The following WHRN variants were observed in gnomAD, a reference collection of about 807,000 sequenced individuals.
WHRN encodes whirlin.
Under a neutral mutation model 68.3 loss-of-function variants are expected in WHRN, and 41 were observed. The ratio of observed to expected loss-of-function variants is 0.60; its 90% CI spans 0.47 to 0.78. WHRN has a LOEUF of 0.78. Among genes scored for constraint, WHRN ranks in the 30% least tolerant of loss-of-function variants. WHRN has a pLI of 0.00. For synonymous variants in WHRN, 560 were observed against 561.3 expected (o/e 1.00, Z 0.03); for missense variants, 1,243 against 1,244.7 (o/e 1.00, Z 0.02).
Position 114,402,559 on chromosome 9 carries a change from CCTGACCTT to C in WHRN, c.*187_*194del. On this transcript the variant is annotated 3_prime_UTR_variant, in exon 12 of 12. Transcript: ENST00000362057. ...TACCCAGTACAGCACCAGTTCCTGA[CCTGACCTT>C]CTGTCTGCCTTGTCCTGCTCTCTTC... is the stretch of plus-strand genomic sequence containing the variant. 1 of 708,628 alleles carries C rather than the reference CCTGACCTT, an allele frequency of 1.4e-6. No individual in the cohort carries two copies. The allele number at this position is 708,628 out of a possible 1,614,324, so 43.9% of individuals were successfully genotyped here.
intron 3 of WHRN, among the ~76,000 whole-genome samples, chr9:114,427,571 G>T (rs184082641): frequency 4.6e-5 from 7 of 152,326 alleles, no homozygotes; most frequent in Admixed American, 3.3e-4. Flanking sequence ...ATCAACTCCT[G>T]TAGGTTTATC....
At chr9:114,412,087 C>CG (rs1835480967) in intron 7 of WHRN, among the ~76,000 whole-genome samples, 3 of 152,134 alleles carry the variant, frequency 2.0e-5, no homozygotes, top group Non-Finnish European at 2.9e-5. Flanking sequence ...CCAGCCCTGT[C>CG]AGGGAGGCCT....
At chr9:114,408,058 T>A in intron 7 of WHRN, 40 bp from the exon 8 acceptor site, 1 of 1,529,204 alleles carries the variant, frequency 6.5e-7, no homozygotes. Flanking sequence ...AAACAGAAGC[T>A]GAGAAGGGAA....
intron 7 of WHRN, among the ~76,000 whole-genome samples, chr9:114,409,286 G>C (rs2132231485): frequency 6.6e-6 from 1 of 152,266 alleles, no homozygotes; most frequent in Admixed American, 6.5e-5. Flanking sequence ...GAGACAATGG[G>C]GTCAGTCGAC....
rs936927007 is a variant in WHRN, at chr9:114,439,875, T to A, written c.964-13462A>T. ...ATGCATAAAATATGTGTAGATAGTC[T>A]ACTTTATAATTTACTATCATAAAAC... is the stretch of plus-strand genomic sequence containing the variant. On this transcript the variant is annotated intron_variant, in intron 3 of 11. Transcript: ENST00000362057. 1.7e-4 allele frequency among the ~76,000 whole-genome samples: 26 copies of A among 152,152 alleles called. 4 individuals are homozygous for A. Among genetic ancestry groups the A allele is most frequent in the Admixed American group, 1.7e-3 (26 of 15,276 alleles).
In WHRN at chr9:114,406,515, G is replaced by T. The variant is rs775595732; in HGVS notation, c.2076C>A (p.Pro692=). Residue 692 remains proline (P), a synonymous_variant, in exon 9 of 12, where the codon CCC becomes CCA. Transcript: ENST00000362057. ...RVQSPPHLKS[P]SAEATVAGGC... ...CCCCAGCCACTGTGGCCTCTGCAGAGGGGCTTTTCAGGTGCGGGGGTGACT... is the reference window on the plus strand; with the variant it reads ...CCCCAGCCACTGTGGCCTCTGCAGATGGGCTTTTCAGGTGCGGGGGTGACT... The T allele has an allele frequency of 6.2e-7, 1 of 1,614,130 alleles. No homozygotes were observed. Among genetic ancestry groups the T allele is most frequent in the South Asian group, 1.1e-5 (1 of 91,086 alleles).
chr9:114,451,096 C>T (rs1471642197), intron 3 of WHRN, among the ~76,000 whole-genome samples: 12 of 152,200 alleles, frequency 7.9e-5, no homozygotes, highest in Admixed American at 7.9e-4. Flanking sequence ...ATGGCATTGG[C>T]ATGCAAGAGA....
At chr9:114,423,843 C>T (rs1836547289) in intron 6 of WHRN, among the ~76,000 whole-genome samples, 1 of 152,220 alleles carries the variant, frequency 6.6e-6, no homozygotes, top group South Asian at 2.1e-4. Flanking sequence ...CAATACTCAT[C>T]TCCAAATCCT....
At chr9:114,493,747 A>G (rs755724861) in intron 1 of WHRN, among the ~76,000 whole-genome samples, 16 of 152,254 alleles carry the variant, frequency 1.1e-4, no homozygotes, top group South Asian at 4.1e-4. Flanking sequence ...AAAAGTGCCC[A>G]ATGCCACCTC....
At chr9:114,403,101 C>A in intron 11 of WHRN, 116 bp downstream of exon 11, 1 of 1,557,386 alleles carries the variant, frequency 6.4e-7, no homozygotes, top group Non-Finnish European at 8.8e-7. Context: ...GTGACATAAG[C>A]CTAGGTCTGC....
intron 1 of WHRN, among the ~76,000 whole-genome samples, chr9:114,489,092 C>T (rs548793758): frequency 1.4e-4 from 22 of 152,280 alleles, no homozygotes; most frequent in African/African-American, 5.1e-4. Flanking sequence ...GGCCTTTGCA[C>T]GTGATGCTCT....
intron 3 of WHRN, among the ~76,000 whole-genome samples, chr9:114,431,337 C>T (rs1837404506): frequency 6.6e-6 from 1 of 152,204 alleles, no homozygotes; most frequent in African/African-American, 2.4e-5. Context: ...TCAGGCTTTC[C>T]ATGGCTTCTC....
chr9:114,474,738 T>C (rs1486858319), intron 2 of WHRN, among the ~76,000 whole-genome samples: 2 of 152,162 alleles, frequency 1.3e-5, no homozygotes, highest in East Asian at 3.9e-4. Context: ...TTATACCTCA[T>C]AGAATGTGCC....
intron 10 of WHRN, 70 bp from the exon 11 acceptor site, chr9:114,403,409 G>C: frequency 6.2e-7 from 1 of 1,602,990 alleles, no homozygotes; most frequent in Non-Finnish European, 8.5e-7. Flanking sequence ...GCTGGGCCGG[G>C]CCGTGACACC....
chr9:114,494,327 T>C (rs1203991871), intron 1 of WHRN, among the ~76,000 whole-genome samples: 1 of 152,226 alleles, frequency 6.6e-6, no homozygotes, highest in Non-Finnish European at 1.5e-5. Flanking sequence ...GATCATCAAA[T>C]GTTCAGACCA....
intron 2 of WHRN, among the ~76,000 whole-genome samples, chr9:114,472,400 C>A (rs1425998926): frequency 1.3e-5 from 2 of 152,218 alleles, no homozygotes; most frequent in Non-Finnish European, 2.9e-5. Flanking sequence ...GGCCTCCAGC[C>A]ACCTGGAGCA....
At chr9:114,458,443 G>T (rs1564178288) in intron 3 of WHRN, among the ~76,000 whole-genome samples, 1 of 152,092 alleles carries the variant, frequency 6.6e-6, no homozygotes, top group Non-Finnish European at 1.5e-5. Flanking sequence ...TTTTCCTATT[G>T]TGATTCAAAA....
chr9:114,504,390 C>T lies in WHRN; in HGVS notation c.412G>A (p.Val138Met). ...GGPDSAGPGE[V>M]RLVSLRRAKA... ...GCACGCCGCAAACTCACCAGGCGCA[C>T]CTCCCCTGGCCCCGCGCTGTCGGGG... Residue 138 changes from valine (V) to methionine (M), a missense_variant, in exon 1 of 12, where the codon GTG becomes ATG. Transcript: ENST00000362057. 1 of 1,605,844 alleles carries T rather than the reference C, an allele frequency of 6.2e-7. No homozygotes were observed. Among genetic ancestry groups the T allele is most frequent in the Non-Finnish European group, 8.5e-7 (1 of 1,179,554 alleles).
At chr9:114,438,947 G>T (rs1314765584) in intron 3 of WHRN, among the ~76,000 whole-genome samples, 2 of 152,166 alleles carry the variant, frequency 1.3e-5, no homozygotes. Context: ...CTGTCGAAAA[G>T]AATGACAAAG....
Sources: allele counts gnomAD v4.1 joint callset (sites outside exome capture counted in the v4.1 genomes callset), GRCh38; gene constraint gnomAD v4.1.1; transcripts MANE v1.5; gene names NCBI Gene and HGNC (gene_info 2026-07-23, HGNC 2026-07-21).